Variants in RALGPS2 observed in about 807,000 individuals in gnomAD.
RALGPS2 encodes ras-specific guanine nucleotide-releasing factor RalGPS2.
In RALGPS2, 43 loss-of-function variants were observed where a neutral mutation model predicts 86.8. That is an observed-to-expected ratio of 0.50 (90% CI 0.39 to 0.64). RALGPS2 has a LOEUF of 0.64. Among genes scored for constraint, RALGPS2 ranks in the 30% least tolerant of loss-of-function variants. The pLI is 0.00. For missense variants in RALGPS2, 536 were observed against 694.6 expected (o/e 0.77, Z 2.57); for synonymous variants, 243 against 231.3 (o/e 1.05, Z -0.46).
intron 7 of RALGPS2, 89 bp downstream of exon 7, chr1:178,821,793 A>C (rs891475387): frequency 2.6e-5 from 26 of 1,002,270 alleles, no homozygotes; most frequent in Middle Eastern, 2.1e-4. Flanking sequence ...TATTAAAGTT[A>C]ATATAATGAT....
chr1:178,868,094 A>G (rs546621496), intron 8 of RALGPS2, among the ~76,000 whole-genome samples: 1 of 152,094 alleles, frequency 6.6e-6, no homozygotes, highest in East Asian at 1.9e-4. Context: ...CTGATAGCCA[A>G]AGCACACATG....
In RALGPS2 at chr1:178,885,980, A is replaced by C; in HGVS notation, c.1052A>C (p.Lys351Thr). The change falls in exon 13 of 20, where the codon AAA becomes ACA. Residue 351 changes from lysine (K) to threonine (T), a missense_variant. Physicochemically the swap from Lys to Thr is moderately conservative, Grantham distance 78 (BLOSUM62 -1). This residue lies in a region of RALGPS2 where 309 missense variants were observed against 363.0 expected (regional missense o/e 0.85). Transcript: ENST00000367635. ...TTTTCTGTTTCTAGTTTCATTCATA[A>C]AATGAACACAGCAGAATTTAAGAGT... ...CHSLGYNFIH[K>T]MNTAEFKSAT... 6.3e-7 allele frequency: 1 copy of C among 1,588,370 alleles called. No homozygotes were observed. The highest frequency in any genetic ancestry group is 8.5e-7 in the Non-Finnish European group (1 of 1,171,770).
intron 1 of RALGPS2, among the ~76,000 whole-genome samples, chr1:178,769,115 C>T (rs749180832): frequency 6.6e-6 from 1 of 152,022 alleles, no homozygotes; most frequent in Non-Finnish European, 1.5e-5. Flanking sequence ...CCAATCCCAG[C>T]AAATGAGTGC....
At chr1:178,746,283 C>A (rs1651325895) in intron 1 of RALGPS2, among the ~76,000 whole-genome samples, 1 of 152,084 alleles carries the variant, frequency 6.6e-6, no homozygotes, top group African/African-American at 2.4e-5. Context: ...TTGATAGATA[C>A]CTCACCACAG....
chr1:178,787,663 A>G (rs532155077), intron 4 of RALGPS2, among the ~76,000 whole-genome samples: 1 of 152,268 alleles, frequency 6.6e-6, no homozygotes, highest in East Asian at 1.9e-4. Context: ...ATCTGATAGT[A>G]CTTTGTGAAA....
chr1:178,784,194 A>G (rs1653535185), intron 2 of RALGPS2, among the ~76,000 whole-genome samples: 1 of 152,158 alleles, frequency 6.6e-6, no homozygotes, highest in African/African-American at 2.4e-5. Context: ...ACACAAGAAA[A>G]TGACTCATTC....
At chr1:178,747,192 C>G in intron 1 of RALGPS2, 1 of 1,185,480 alleles carries the variant, frequency 8.4e-7, no homozygotes, top group Non-Finnish European at 1.3e-6. Context: ...CGTCCAGTGC[C>G]TGCACTACGG....
chr1:178,909,128 C>G (rs962619510), intron 19 of RALGPS2, among the ~76,000 whole-genome samples: 13 of 152,136 alleles, frequency 8.5e-5, no homozygotes, highest in African/African-American at 3.1e-4. Context: ...ATATGGCTAT[C>G]CAGTTATCCT....
intron 1 of RALGPS2, among the ~76,000 whole-genome samples, chr1:178,769,429 C>T (rs983478965): frequency 1.3e-5 from 2 of 151,856 alleles, no homozygotes; most frequent in African/African-American, 4.8e-5. Context: ...TTGGTTTAGC[C>T]TGCTGATCCT....
chr1:178,733,725 T>C (rs1650524078), intron 1 of RALGPS2, among the ~76,000 whole-genome samples: 2 of 152,186 alleles, frequency 1.3e-5, no homozygotes, highest in Non-Finnish European at 1.5e-5. Context: ...ATAGACCTGA[T>C]AGAAATCAGT....
At chr1:178,801,051 C>T (rs1373834384) in intron 4 of RALGPS2, among the ~76,000 whole-genome samples, 2 of 152,010 alleles carry the variant, frequency 1.3e-5, no homozygotes, top group Non-Finnish European at 2.9e-5. Flanking sequence ...CTCAGCCTCC[C>T]AAGTAGCTGG....
At chr1:178,844,878 C>T (rs553142716) in intron 8 of RALGPS2, among the ~76,000 whole-genome samples, 3 of 152,054 alleles carry the variant, frequency 2.0e-5, no homozygotes, top group South Asian at 2.1e-4. Context: ...TGCAGTAGCT[C>T]GACCAAGAAA....
chr1:178,808,702 G>A (rs1052957143), intron 5 of RALGPS2, among the ~76,000 whole-genome samples: 1 of 151,994 alleles, frequency 6.6e-6, no homozygotes, highest in South Asian at 2.1e-4. Flanking sequence ...ATTCTAAGAG[G>A]CTTTTTGTTT....
intron 1 of RALGPS2, among the ~76,000 whole-genome samples, chr1:178,748,688 A>G (rs1487478093): frequency 6.6e-6 from 1 of 152,014 alleles, no homozygotes; most frequent in Non-Finnish European, 1.5e-5. Flanking sequence ...CCCCATCTCT[A>G]CTAAAAATAT....
intron 16 of RALGPS2, among the ~76,000 whole-genome samples, chr1:178,896,444 G>A (rs1659940211): frequency 6.6e-6 from 1 of 150,782 alleles, no homozygotes; most frequent in Non-Finnish European, 1.5e-5. Flanking sequence ...AATTGCAAAA[G>A]CAAACTTCTT....
chr1:178,854,591 A>C (rs1305966574), intron 8 of RALGPS2, among the ~76,000 whole-genome samples: 1 of 152,122 alleles, frequency 6.6e-6, no homozygotes, highest in Non-Finnish European at 1.5e-5. Context: ...TGTATGACTA[A>C]TAGTAATTTT....
Position 178,892,228 on chromosome 1 carries a change from A to G in RALGPS2, c.1248-2A>G. 1.2e-6 allele frequency: 2 copies of G among 1,611,928 alleles called. No homozygotes were observed. Among genetic ancestry groups the G allele is most frequent in the Non-Finnish European group, 1.7e-6 (2 of 1,178,470 alleles). Reference sequence around the variant, plus strand: ...TATACAATTTATAATGGAATCCAACAGGAACAGATTATACCATTCTCTCGG... The same window carrying G: ...TATACAATTTATAATGGAATCCAACGGGAACAGATTATACCATTCTCTCGG... On this transcript the variant is annotated splice_acceptor_variant, in intron 14 of 19. Transcript: ENST00000367635. LOFTEE classifies it high-confidence loss of function.
At position 178,808,110 on chromosome 1, in the gene RALGPS2, C is replaced by T; in HGVS notation, c.279C>T (p.Phe93=). Reference sequence around the variant, plus strand: ...GTTCTGCACCAAATGCAGTTGCCTTCACAAGAAGATTCAATCATGTGAGTT... The same window carrying T: ...GTTCTGCACCAAATGCAGTTGCCTTTACAAGAAGATTCAATCATGTGAGTT... The part of the protein sequence containing the change: ...KYSSAPNAVA[F]TRRFNHVSFW... Residue 93 remains phenylalanine, a synonymous_variant, in exon 5 of 20, where the codon TTC becomes TTT. Coordinates refer to ENST00000367635, the MANE Select transcript of RALGPS2 (RefSeq NM_152663.5). 3 of 1,606,010 alleles carry T rather than the reference C, an allele frequency of 1.9e-6. No individual in the cohort carries two copies. Among genetic ancestry groups the T allele is most frequent in the Non-Finnish European group, 2.6e-6 (3 of 1,173,202 alleles).
intron 8 of RALGPS2, among the ~76,000 whole-genome samples, chr1:178,859,347 G>A (rs140342823): frequency 1.1e-3 from 162 of 150,788 alleles, no homozygotes; most frequent in African/African-American, 3.6e-3. Flanking sequence ...TTTAAAATAA[G>A]CCTACCACTA....
Sources: gnomAD v4.1 joint callset for allele counts (sites outside exome capture counted in the v4.1 genomes callset) on GRCh38, gnomAD v4.1.1 for gene constraint, gnomAD v4.1.1 regional missense constraint, MANE v1.5 for transcripts, NCBI Gene and HGNC (gene_info 2026-07-23, HGNC 2026-07-21) for gene names.